Variants in MRPL1 observed in about 807,000 individuals in gnomAD.
MRPL1 encodes mitochondrial ribosomal protein L1.
A neutral mutation model predicts 38.0 loss-of-function variants in MRPL1; 28 were observed. The observed-to-expected ratio is 0.74, with a 90% CI of 0.55 to 1.01. The LOEUF (loss-of-function observed/expected upper bound fraction) is 1.01, where lower values mean the gene tolerates loss of function less well. Ranked by LOEUF, MRPL1 falls within the 50% of genes least tolerant of loss-of-function variation. The pLI, the probability that MRPL1 is intolerant of heterozygous loss-of-function variation, is 0.00. For synonymous variants in MRPL1, 123 were observed against 126.7 expected, an observed-to-expected ratio of 0.97 and a Z score of 0.20; for missense variants, 358 against 389.8, an observed-to-expected ratio of 0.92 and a Z score of 0.69.
intron 2 of MRPL1, among the ~76,000 whole-genome samples, chr4:77,872,689 C>T (rs1265596090): frequency 6.6e-6 from 1 of 152,158 alleles, no homozygotes; most frequent in East Asian, 1.9e-4. Flanking sequence ...ATGGTGAAAC[C>T]CTATCTCTGC....
intron 6 of MRPL1, among the ~76,000 whole-genome samples, chr4:77,907,640 C>T (rs1259190588): frequency 2.0e-5 from 3 of 151,794 alleles, no homozygotes; most frequent in African/African-American, 4.8e-5. Flanking sequence ...TCTCAGCTCA[C>T]TGCAACCTCC....
chr4:77,889,949 A>G (rs1326004433), intron 5 of MRPL1, among the ~76,000 whole-genome samples: 1 of 152,234 alleles, frequency 6.6e-6, no homozygotes, highest in Non-Finnish European at 1.5e-5. Flanking sequence ...GAATCCCTGA[A>G]TAGACCAATA....
At chr4:77,863,436 G>A (rs1467478143) in intron 1 of MRPL1, among the ~76,000 whole-genome samples, 1 of 146,624 alleles carries the variant, frequency 6.8e-6, no homozygotes, top group African/African-American at 2.6e-5. Flanking sequence ...TTTTGTCTAC[G>A]ATGACAGCCC....
intron 7 of MRPL1, among the ~76,000 whole-genome samples, chr4:77,927,615 T>A (rs1235771679): frequency 6.6e-6 from 1 of 152,012 alleles, no homozygotes; most frequent in African/African-American, 2.4e-5. Context: ...AGTATTTTAA[T>A]AATATTTAAT....
At chr4:77,913,760 T>TA (rs1181448360) in intron 7 of MRPL1, among the ~76,000 whole-genome samples, 10 of 152,070 alleles carry the variant, frequency 6.6e-5, no homozygotes, top group African/African-American at 1.9e-4. Flanking sequence ...CAGGTGAATA[T>TA]AAAAAAAATT....
intron 6 of MRPL1, among the ~76,000 whole-genome samples, chr4:77,897,872 A>G (rs942690116): frequency 6.6e-6 from 1 of 152,224 alleles, no homozygotes; most frequent in Admixed American, 6.5e-5. Context: ...CTGCCCCTTC[A>G]CATATTAGTT....
At chr4:77,877,151 T>C (rs1299375672) in intron 2 of MRPL1, among the ~76,000 whole-genome samples, 2 of 152,174 alleles carry the variant, frequency 1.3e-5, no homozygotes, top group African/African-American at 2.4e-5. Flanking sequence ...CCGCCTGCCT[T>C]GGCCTCCCAA....
chr4:77,918,116 G>A (rs1736466133), intron 7 of MRPL1, among the ~76,000 whole-genome samples: 1 of 151,690 alleles, frequency 6.6e-6, no homozygotes, highest in Non-Finnish European at 1.5e-5. Context: ...CAGAAAAGTA[G>A]CAATGATTGT....
At chr4:77,867,538 T>G (rs902815414) in intron 1 of MRPL1, among the ~76,000 whole-genome samples, 2 of 141,890 alleles carry the variant, frequency 1.4e-5, no homozygotes, top group Non-Finnish European at 1.5e-5. Flanking sequence ...TTCTTTTCTT[T>G]TTCTTTTTCT....
Position 77,883,512 on chromosome 4 carries a change from C to G in MRPL1, c.402+12C>G. 1 of 1,574,636 alleles carries G rather than the reference C, an allele frequency of 6.4e-7. No homozygotes were observed. Among genetic ancestry groups the G allele is most frequent in the South Asian group, 1.2e-5 (1 of 83,448 alleles). On this transcript the variant is annotated intron_variant, in intron 3 of 8. Transcript: ENST00000315567. ...CACTGGGAAAGAAGGTATGTAGAGT[C>G]CATTAAAATAAGTTTACCTGTGAAC...
intron 6 of MRPL1, among the ~76,000 whole-genome samples, chr4:77,899,439 G>A (rs1468395532): frequency 1.3e-5 from 2 of 152,026 alleles, no homozygotes; most frequent in East Asian, 3.9e-4. Context: ...TTCAAATAAT[G>A]GTCTTCAGCA....
At chr4:77,880,940 C>T (rs1735523499) in intron 2 of MRPL1, among the ~76,000 whole-genome samples, 1 of 152,190 alleles carries the variant, frequency 6.6e-6, no homozygotes, top group Non-Finnish European at 1.5e-5. Flanking sequence ...CTCATGTAGC[C>T]TGGGGCTCTG....
At chr4:77,876,353 GT>G (rs1735397697) in intron 2 of MRPL1, among the ~76,000 whole-genome samples, 2 of 152,102 alleles carry the variant, frequency 1.3e-5, no homozygotes, top group South Asian at 4.1e-4. Flanking sequence ...TGTAAACATA[GT>G]TATTTATTAG....
intron 7 of MRPL1, among the ~76,000 whole-genome samples, chr4:77,942,977 G>T (rs1737171065): frequency 6.6e-6 from 1 of 152,112 alleles, no homozygotes; most frequent in African/African-American, 2.4e-5. Flanking sequence ...TAGGTCCTGT[G>T]AGATTTATGT....
At chr4:77,871,546 C>T (rs909784534) in intron 1 of MRPL1, among the ~76,000 whole-genome samples, 198 bp from the exon 2 acceptor site, 12 of 152,232 alleles carry the variant, frequency 7.9e-5, no homozygotes, top group Non-Finnish European at 1.6e-4. Context: ...CCTCGTGATT[C>T]ACCCGCCTCA....
At chr4:77,879,539 T>C (rs1250259413) in intron 2 of MRPL1, among the ~76,000 whole-genome samples, 1 of 152,210 alleles carries the variant, frequency 6.6e-6, no homozygotes, top group Non-Finnish European at 1.5e-5. Flanking sequence ...TCAGATTAAT[T>C]GCAAATTAAT....
intron 7 of MRPL1, among the ~76,000 whole-genome samples, chr4:77,911,689 A>C (rs959141583): frequency 1.3e-5 from 2 of 152,168 alleles, no homozygotes; most frequent in East Asian, 1.9e-4. Context: ...TAATAACATA[A>C]TAACCATTTA....
intron 6 of MRPL1, among the ~76,000 whole-genome samples, chr4:77,905,030 G>T (rs771764294): frequency 1.2e-4 from 19 of 152,284 alleles, no homozygotes; most frequent in Admixed American, 5.2e-4. Flanking sequence ...GCTCATGGGT[G>T]AATACCCCTA....
chr4:77,936,664 T>A (rs1195052254), intron 7 of MRPL1, among the ~76,000 whole-genome samples: 3 of 152,246 alleles, frequency 2.0e-5, no homozygotes, highest in Non-Finnish European at 4.4e-5. Flanking sequence ...CCATTTGGCC[T>A]GCAAAACCTA....
Sources: gnomAD v4.1 joint callset for allele counts (sites outside exome capture counted in the v4.1 genomes callset) on GRCh38, gnomAD v4.1.1 for gene constraint, MANE v1.5 for transcripts, NCBI Gene and HGNC (gene_info 2026-07-23, HGNC 2026-07-21) for gene names.